The following MGMT variants were observed in gnomAD, a reference collection of about 807,000 sequenced individuals.
MGMT encodes O-6-methylguanine-DNA methyltransferase.
A neutral mutation model predicts 15.9 loss-of-function variants in MGMT; 14 were observed. The ratio of observed to expected loss-of-function variants is 0.88; its 90% CI spans 0.58 to 1.37. The LOEUF (loss-of-function observed/expected upper bound fraction) is 1.37. MGMT is among the 40% of genes most tolerant of loss of function. The pLI is 0.00. For missense variants in MGMT, 282 were observed against 268.1 expected (o/e 1.05, Z -0.36); for synonymous variants, 130 against 118.2 (o/e 1.10, Z -0.65).
intron 2 of MGMT, among the ~76,000 whole-genome samples, chr10:129,641,734 T>C (rs367712978): frequency 1.3e-5 from 2 of 152,368 alleles, no homozygotes; most frequent in South Asian, 4.1e-4. Flanking sequence ...GTCTGTGTTA[T>C]GACAGTTATA....
intron 1 of MGMT, among the ~76,000 whole-genome samples, chr10:129,535,101 T>C (rs1845971337): frequency 6.6e-6 from 1 of 152,216 alleles, no homozygotes; most frequent in South Asian, 2.1e-4. Flanking sequence ...CCCCTTGATG[T>C]AGGGAGCCTT....
At chr10:129,761,575 TC>T (rs1216507352) in intron 4 of MGMT, among the ~76,000 whole-genome samples, 1 of 152,218 alleles carries the variant, frequency 6.6e-6, no homozygotes, top group Non-Finnish European at 1.5e-5. Flanking sequence ...GCTATTAATC[TC>T]TATGAGTGTC....
intron 1 of MGMT, among the ~76,000 whole-genome samples, chr10:129,489,253 G>A (rs35617861): frequency 0.061 from 9,031 of 149,260 alleles, 378 homozygotes; most frequent in Admixed American, 0.077. Context: ...CCAGTTACTC[G>A]GGAGGCTGAG....
At chr10:129,726,413 C>T (rs1848435051) in intron 3 of MGMT, among the ~76,000 whole-genome samples, 1 of 152,102 alleles carries the variant, frequency 6.6e-6, no homozygotes, top group Non-Finnish European at 1.5e-5. Flanking sequence ...TCCTGGGTTG[C>T]CCGCCCATGG....
At chr10:129,573,951 AAG>A (rs1846448967) in intron 2 of MGMT, among the ~76,000 whole-genome samples, 2 of 152,268 alleles carry the variant, frequency 1.3e-5, no homozygotes, top group South Asian at 4.1e-4. Context: ...AGACATTTTA[AAG>A]AAGGCAGAAT....
chr10:129,648,666 TC>T (rs1183101157), intron 2 of MGMT, among the ~76,000 whole-genome samples: 1 of 152,244 alleles, frequency 6.6e-6, no homozygotes, highest in East Asian at 1.9e-4. Context: ...TCACTTTTTT[TC>T]TTTTCTTTTT....
chr10:129,664,769 A>G (rs79243412), intron 2 of MGMT, among the ~76,000 whole-genome samples: 1,939 of 152,300 alleles, frequency 0.013, 32 homozygotes, highest in African/African-American at 0.044. Context: ...AGAGAAGCCA[A>G]TTTTTAAAAT....
chr10:129,735,050 TG>T (rs1344648181), intron 3 of MGMT, among the ~76,000 whole-genome samples: 7 of 152,188 alleles, frequency 4.6e-5, no homozygotes, highest in African/African-American at 1.7e-4. Context: ...TGCCCAGCTT[TG>T]GTATCAGGAT....
chr10:129,748,610 T>G (rs541578638), intron 3 of MGMT, among the ~76,000 whole-genome samples: 6 of 152,168 alleles, frequency 3.9e-5, no homozygotes, highest in African/African-American at 4.8e-5. Context: ...GGGGGTGGTG[T>G]TGTTTCTAAG....
intron 2 of MGMT, among the ~76,000 whole-genome samples, chr10:129,638,448 A>G (rs867404544): frequency 6.7e-6 from 1 of 148,682 alleles, no homozygotes; most frequent in East Asian, 1.9e-4. Context: ...AAAAAAAAGA[A>G]AAAAAAAAGA....
intron 2 of MGMT, among the ~76,000 whole-genome samples, chr10:129,550,220 C>T (rs1428538614): frequency 2.6e-5 from 4 of 151,982 alleles, no homozygotes; most frequent in African/African-American, 4.8e-5. Context: ...CACAATGTTC[C>T]GCAGCCATCA....
chr10:129,732,475 G>C (rs1848510940), intron 3 of MGMT, among the ~76,000 whole-genome samples: 1 of 151,924 alleles, frequency 6.6e-6, no homozygotes, highest in African/African-American at 2.4e-5. Context: ...CCCTGCAAAG[G>C]ACATGAACTC....
intron 3 of MGMT, among the ~76,000 whole-genome samples, chr10:129,757,352 G>A (rs922353529): frequency 5.9e-5 from 9 of 152,214 alleles, no homozygotes; most frequent in African/African-American, 1.9e-4. Context: ...TTGGAACCAT[G>A]CCATTGTTTC....
At chr10:129,649,151 T>C (rs1004178847) in intron 2 of MGMT, among the ~76,000 whole-genome samples, 1 of 152,212 alleles carries the variant, frequency 6.6e-6, no homozygotes, top group Non-Finnish European at 1.5e-5. Flanking sequence ...TGTTTTGTCA[T>C]TCCAGTCATT....
chr10:129,563,029 A>G (rs542411571), intron 2 of MGMT, among the ~76,000 whole-genome samples: 1 of 152,276 alleles, frequency 6.6e-6, no homozygotes, highest in African/African-American at 2.4e-5. Flanking sequence ...CACAGTCACC[A>G]CTTTATTATA....
chr10:129,580,486 T>G (rs1002645582), intron 2 of MGMT, among the ~76,000 whole-genome samples: 1 of 152,172 alleles, frequency 6.6e-6, no homozygotes, highest in Non-Finnish European at 1.5e-5. Context: ...GCCCGTGGGC[T>G]TTGAGCGAGG....
intron 2 of MGMT, among the ~76,000 whole-genome samples, chr10:129,630,291 G>T (rs141982354): frequency 6.6e-6 from 1 of 152,172 alleles, no homozygotes; most frequent in African/African-American, 2.4e-5. Flanking sequence ...GTAGAAGGTC[G>T]GCTTGTCTGC....
At chr10:129,563,176 T>C (rs1272810813) in intron 2 of MGMT, among the ~76,000 whole-genome samples, 1 of 151,798 alleles carries the variant, frequency 6.6e-6, no homozygotes, top group East Asian at 2.0e-4. Flanking sequence ...TAACTTTCAC[T>C]GAATGTATCA....
At chr10:129,644,652 C>T (rs926188401) in intron 2 of MGMT, among the ~76,000 whole-genome samples, 1 of 152,150 alleles carries the variant, frequency 6.6e-6, no homozygotes, top group Non-Finnish European at 1.5e-5. Flanking sequence ...ACGCATTCAT[C>T]CTTAACTCTT....
Sources: allele counts gnomAD v4.1 joint callset (sites outside exome capture counted in the v4.1 genomes callset), GRCh38; gene constraint gnomAD v4.1.1; transcripts MANE v1.5; gene names NCBI Gene and HGNC (gene_info 2026-07-23, HGNC 2026-07-21).